MYO3B: variants seen among roughly 807,000 people sequenced by gnomAD.
The protein encoded by MYO3B is myosin-IIIb.
MYO3B carries 156 observed loss-of-function variants against 174.6 expected under a neutral mutation model. That is an observed-to-expected ratio of 0.89 (90% confidence interval 0.78 to 1.02). The LOEUF (loss-of-function observed/expected upper bound fraction) is 1.02, where lower values mean the gene tolerates loss of function less well. Ranked by LOEUF, MYO3B falls within the 50% of genes least tolerant of loss-of-function variation. MYO3B has a pLI of 0.00. For missense variants in MYO3B, 1,632 were observed against 1,639.4 expected (o/e 1.00, Z 0.08); for synonymous variants, 563 against 569.1 (o/e 0.99, Z 0.15).
chr2:170,485,420 C>CACACAG (rs777460347), intron 25 of MYO3B, among the ~76,000 whole-genome samples: 4,075 of 127,756 alleles, frequency 0.032, 87 homozygotes, highest in South Asian at 0.1. Context: ...CACACACACA[C>CACACAG]AGAGAGAGAG....
chr2:170,302,017 T>C (rs2093669091), intron 7 of MYO3B, among the ~76,000 whole-genome samples: 1 of 151,922 alleles, frequency 6.6e-6, no homozygotes, highest in Non-Finnish European at 1.5e-5. Context: ...TTTTGGATAT[T>C]TCTCCAAAGC....
chr2:170,272,850 A>G (rs1321050465), intron 7 of MYO3B, among the ~76,000 whole-genome samples: 1 of 152,146 alleles, frequency 6.6e-6, no homozygotes, highest in Non-Finnish European at 1.5e-5. Context: ...TCAGTTTTGT[A>G]CGTCTCAATC....
At chr2:170,326,889 T>C (rs1461429333) in intron 7 of MYO3B, among the ~76,000 whole-genome samples, 1 of 152,206 alleles carries the variant, frequency 6.6e-6, no homozygotes, top group Non-Finnish European at 1.5e-5. Context: ...TATTCTGGGA[T>C]GGCCTTTGAA....
chr2:170,558,242 G>A (rs1044040639), intron 32 of MYO3B, among the ~76,000 whole-genome samples: 2 of 151,780 alleles, frequency 1.3e-5, no homozygotes, highest in South Asian at 2.1e-4. Flanking sequence ...CGGAGCTTGC[G>A]GTGAGCTGAG....
intron 7 of MYO3B, among the ~76,000 whole-genome samples, chr2:170,299,853 T>A (rs1402140116): frequency 6.6e-6 from 1 of 152,158 alleles, no homozygotes; most frequent in African/African-American, 2.4e-5. Context: ...ACAGGAATAA[T>A]TATGTGGGGT....
Position 170,583,752 on chromosome 2 carries a change from C to T in MYO3B, c.3733+39764C>T, listed in dbSNP as rs115053203. ...ATCTAGTATCTAAAAGGTACTCTTC[C>T]TTGATGAGCAAACAGTTTGAGAGAA... On this transcript the variant is annotated intron_variant, in intron 32 of 34. Transcript: ENST00000408978. 2.9e-3 allele frequency among the ~76,000 whole-genome samples: 438 copies of T among 152,168 alleles called. 2 individuals are homozygous for T. The highest frequency in any genetic ancestry group is 0.01 in the African/African-American group (419 of 41,496).
At chr2:170,228,688 G>A (rs986601339) in intron 6 of MYO3B, among the ~76,000 whole-genome samples, 1 of 152,104 alleles carries the variant, frequency 6.6e-6, no homozygotes. Context: ...TAGTGTAAGC[G>A]TGCTTTGAGT....
chr2:170,294,364 T>C (rs894287349), intron 7 of MYO3B, among the ~76,000 whole-genome samples: 6 of 151,098 alleles, frequency 4.0e-5, no homozygotes, highest in African/African-American at 1.5e-4. Flanking sequence ...AATTTGGATA[T>C]ATTTATTTTC....
chr2:170,334,152 A>G (rs1244308946), intron 7 of MYO3B: 1 of 152,218 alleles, frequency 6.6e-6, no homozygotes, highest in East Asian at 1.9e-4. Context: ...AGAAGGGGGA[A>G]GGAGAAGAAT....
At chr2:170,378,129 A>C (rs1178150652) in intron 9 of MYO3B, among the ~76,000 whole-genome samples, 1 of 152,194 alleles carries the variant, frequency 6.6e-6, no homozygotes, top group Non-Finnish European at 1.5e-5. Context: ...AAAATAGAGA[A>C]ATATAAAACA....
At chr2:170,643,239 T>A (rs1317331425) in intron 32 of MYO3B, among the ~76,000 whole-genome samples, 4 of 152,164 alleles carry the variant, frequency 2.6e-5, no homozygotes, top group Non-Finnish European at 5.9e-5. Flanking sequence ...TAAAATGAGA[T>A]GAAGTAAACA....
In MYO3B at chr2:170,651,672, C is replaced by T. The variant is rs1559205741; in HGVS notation, c.3778C>T (p.Arg1260Ter). 2 of 1,614,080 alleles carry T rather than the reference C, an allele frequency of 1.2e-6. No homozygotes were observed. Among genetic ancestry groups the T allele is most frequent in the Non-Finnish European group, 1.7e-6 (2 of 1,180,032 alleles). Residue 1260 changes from arginine (R) to a stop codon, truncating the protein, a stop_gained, in exon 33 of 35, where the codon CGA (arginine) becomes TGA (stop). Transcript: ENST00000408978. LOFTEE classifies it high-confidence loss of function. ...ACAGAAGCATCGAACACCTCGCCGACGATGTCAGCAGCCCAAAATGCTGAG... is the reference window on the plus strand; with the variant it reads ...ACAGAAGCATCGAACACCTCGCCGATGATGTCAGCAGCCCAAAATGCTGAG... ...LAQKHRTPRR[R>*]CQQPKMLSSP...
At chr2:170,630,106 T>A (rs1696819162) in intron 32 of MYO3B, among the ~76,000 whole-genome samples, 1 of 152,156 alleles carries the variant, frequency 6.6e-6, no homozygotes, top group Non-Finnish European at 1.5e-5. Context: ...GGCGGGGCAT[T>A]GCCTCACCTG....
chr2:170,452,983 G>C (rs1307319047), intron 23 of MYO3B, among the ~76,000 whole-genome samples: 1 of 152,224 alleles, frequency 6.6e-6, no homozygotes, highest in East Asian at 1.9e-4. Flanking sequence ...AAGAGGCCTA[G>C]AGTAGCCAAT....
rs967652444 is a variant in MYO3B at position 170,186,278 on chromosome 2, G to A, written c.2+7989G>A. Among the ~76,000 whole-genome samples, 17 of 150,568 alleles carry A rather than the reference G, an allele frequency of 1.1e-4. No homozygotes were observed. The East Asian group carries it at 3.0e-3, about 26-fold the overall frequency. On this transcript the variant is annotated intron_variant, in intron 1 of 34. Transcript: ENST00000408978. ...GGGTCTGTCATATGCAACTTTTATTGTATTGGGGTATGTTCCTTCTATACC... is the reference window on the plus strand; with the variant it reads ...GGGTCTGTCATATGCAACTTTTATTATATTGGGGTATGTTCCTTCTATACC...
At chr2:170,435,931 C>T (rs900577763) in intron 22 of MYO3B, among the ~76,000 whole-genome samples, 3 of 152,200 alleles carry the variant, frequency 2.0e-5, no homozygotes, top group Non-Finnish European at 2.9e-5. Flanking sequence ...CTACAGGTGA[C>T]ACCCTGGGTT....
intron 7 of MYO3B, among the ~76,000 whole-genome samples, chr2:170,316,797 A>G (rs968643856): frequency 1.3e-5 from 2 of 152,130 alleles, no homozygotes; most frequent in Non-Finnish European, 2.9e-5. Context: ...CTGAGTCCCA[A>G]TTGTTGTAAT....
At chr2:170,243,180 C>T (rs1032845499) in intron 7 of MYO3B, among the ~76,000 whole-genome samples, 2 of 152,146 alleles carry the variant, frequency 1.3e-5, no homozygotes, top group African/African-American at 4.8e-5. Context: ...AAACAACAAA[C>T]ATTTATGATT....
intron 6 of MYO3B, among the ~76,000 whole-genome samples, chr2:170,227,707 G>C (rs1310814519): frequency 6.6e-6 from 1 of 152,198 alleles, no homozygotes; most frequent in Admixed American, 6.5e-5. Flanking sequence ...AGAAACCACA[G>C]ATACTTGCCG....
Sources: allele counts gnomAD v4.1 joint callset (sites outside exome capture counted in the v4.1 genomes callset), GRCh38; gene constraint gnomAD v4.1.1; transcripts MANE v1.5; gene names NCBI Gene and HGNC (gene_info 2026-07-23, HGNC 2026-07-21).